The following TRPS1 variants were observed in gnomAD, a reference collection of about 807,000 sequenced individuals.
TRPS1 encodes the protein transcriptional repressor GATA binding 1.
A neutral mutation model predicts 101.2 loss-of-function variants in TRPS1; 6 were observed. The ratio of observed to expected loss-of-function variants is 0.06; its 90% confidence interval spans 0.03 to 0.12. The LOEUF is 0.12. Ranked by LOEUF, TRPS1 falls within the 10% of genes least tolerant of loss-of-function variation. The pLI is 1.00. For missense variants in TRPS1, 1,363 were observed against 1,567.0 expected, an observed-to-expected ratio of 0.87 and a Z score of 2.20; for synonymous variants, 578 against 589.8, an observed-to-expected ratio of 0.98 and a Z score of 0.29.
chr8:115,496,909 C>T (rs1815162601), intron 5 of TRPS1, among the ~76,000 whole-genome samples: 1 of 152,104 alleles, frequency 6.6e-6, no homozygotes. Flanking sequence ...ATACACACAT[C>T]CTACCCCAAG....
At chr8:115,432,807 C>T (rs975500696) in intron 5 of TRPS1, among the ~76,000 whole-genome samples, 1 of 151,880 alleles carries the variant, frequency 6.6e-6, no homozygotes, top group African/African-American at 2.4e-5. Context: ...TTAACTTGAC[C>T]TCTTTCAGGA....
chr8:115,503,754 G>A (rs1444100041), intron 5 of TRPS1, among the ~76,000 whole-genome samples: 1 of 152,174 alleles, frequency 6.6e-6, no homozygotes, highest in Admixed American at 6.5e-5. Flanking sequence ...TACACATTTT[G>A]TCATCATCTT....
At chr8:115,543,694 A>G (rs1816506969) in intron 5 of TRPS1, among the ~76,000 whole-genome samples, 1 of 152,136 alleles carries the variant, frequency 6.6e-6, no homozygotes, top group African/African-American at 2.4e-5. Context: ...TACCAGGAGA[A>G]GGTGAAAAAA....
chr8:115,465,851 T>C (rs1814304155), intron 5 of TRPS1, among the ~76,000 whole-genome samples: 2 of 152,124 alleles, frequency 1.3e-5, no homozygotes, highest in Non-Finnish European at 2.9e-5. Flanking sequence ...TAAAATTAAT[T>C]GGAGTCTCTG....
chr8:115,416,817 G>C (rs1812933232), intron 6 of TRPS1, among the ~76,000 whole-genome samples: 1 of 151,988 alleles, frequency 6.6e-6, no homozygotes, highest in African/African-American at 2.4e-5. Context: ...GTTATGCCAT[G>C]TGCATTTCTT....
intron 5 of TRPS1, among the ~76,000 whole-genome samples, chr8:115,514,834 C>T (rs1563566856): frequency 6.6e-6 from 1 of 151,628 alleles, no homozygotes; most frequent in Non-Finnish European, 1.5e-5. Flanking sequence ...ACTGTGGTTA[C>T]AAGCTGTCAT....
At chr8:115,532,464 A>T (rs752354974) in intron 5 of TRPS1, among the ~76,000 whole-genome samples, 1 of 152,146 alleles carries the variant, frequency 6.6e-6, no homozygotes, top group Non-Finnish European at 1.5e-5. Context: ...CATAGTCCCC[A>T]TCTTGGAAGC....
chr8:115,600,591 C>G (rs1258580770), intron 4 of TRPS1, among the ~76,000 whole-genome samples: 1 of 152,090 alleles, frequency 6.6e-6, no homozygotes, highest in Non-Finnish European at 1.5e-5. Context: ...CTCAGTGTAA[C>G]CTCACATTCC....
chr8:115,573,692 T>G (rs1015846213), intron 5 of TRPS1, among the ~76,000 whole-genome samples: 6 of 152,214 alleles, frequency 3.9e-5, no homozygotes, highest in Non-Finnish European at 7.3e-5. Flanking sequence ...GGTTCCCTAT[T>G]TCCTTCTGAG....
At chr8:115,539,345 T>C (rs1816397720) in intron 5 of TRPS1, among the ~76,000 whole-genome samples, 1 of 152,252 alleles carries the variant, frequency 6.6e-6, no homozygotes, top group Admixed American at 6.5e-5. Context: ...GGGCTCTAAC[T>C]CAATCTATTT....
intron 1 of TRPS1, among the ~76,000 whole-genome samples, chr8:115,656,481 T>C (rs1811678833): frequency 6.6e-6 from 1 of 152,136 alleles, no homozygotes; most frequent in African/African-American, 2.4e-5. Context: ...GTTTCAAACC[T>C]GGTAAAAGTT....
intron 5 of TRPS1, among the ~76,000 whole-genome samples, chr8:115,519,679 A>C (rs1231401312): frequency 6.6e-6 from 1 of 151,614 alleles, no homozygotes; most frequent in Non-Finnish European, 1.5e-5. Context: ...TTTAAATTCA[A>C]AAGGTTTTGT....
intron 1 of TRPS1, among the ~76,000 whole-genome samples, chr8:115,643,640 G>C (rs1376571681): frequency 1.3e-5 from 2 of 152,096 alleles, no homozygotes; most frequent in Non-Finnish European, 2.9e-5. Context: ...AGCCTTCCAA[G>C]TCATCCATGA....
chr8:115,509,131 T>C (rs1815517486), intron 5 of TRPS1, among the ~76,000 whole-genome samples: 1 of 152,022 alleles, frequency 6.6e-6, no homozygotes, highest in Admixed American at 6.6e-5. Context: ...ATCATTTCTT[T>C]TTTCCTGTAT....
intron 5 of TRPS1, among the ~76,000 whole-genome samples, chr8:115,556,422 G>C (rs1035558290): frequency 1.3e-5 from 2 of 152,124 alleles, no homozygotes; most frequent in Admixed American, 6.5e-5. Flanking sequence ...TCCAAAGACT[G>C]ACCCTAGCTT....
At chr8:115,640,841 C>G (rs1818879339) in intron 1 of TRPS1, among the ~76,000 whole-genome samples, 1 of 152,170 alleles carries the variant, frequency 6.6e-6, no homozygotes, top group Admixed American at 6.5e-5. Flanking sequence ...ATGTAACACT[C>G]TCATTTATAC....
chr8:115,436,775 C>A (rs1813464647), intron 5 of TRPS1, among the ~76,000 whole-genome samples: 1 of 152,080 alleles, frequency 6.6e-6, no homozygotes, highest in Non-Finnish European at 1.5e-5. Flanking sequence ...GTCTAGTAAG[C>A]TCCCAGTTTG....
At chr8:115,597,088 T>C (rs894528767) in intron 4 of TRPS1, among the ~76,000 whole-genome samples, 2 of 151,992 alleles carry the variant, frequency 1.3e-5, no homozygotes, top group Non-Finnish European at 2.9e-5. Context: ...GACTTTGTTT[T>C]GGTTGTTTTG....
chr8:115,461,890 A>T (rs1814189241), intron 5 of TRPS1, among the ~76,000 whole-genome samples: 2 of 152,194 alleles, frequency 1.3e-5, no homozygotes. Flanking sequence ...AAAATAATAT[A>T]ACGAAAGTAA....
Sources: allele counts gnomAD v4.1 joint callset (sites outside exome capture counted in the v4.1 genomes callset), GRCh38; gene constraint gnomAD v4.1.1; transcripts MANE v1.5; gene names NCBI Gene and HGNC (gene_info 2026-07-23, HGNC 2026-07-21).